The following DLC1 variants were observed in gnomAD, a reference collection of about 807,000 sequenced individuals.
DLC1 encodes the protein DLC1 Rho GTPase activating protein.
In DLC1, 54 loss-of-function variants were observed where a neutral mutation model predicts 140.3. That is an observed-to-expected ratio of 0.38 (90% CI 0.31 to 0.48). The LOEUF is 0.48. Ranked by LOEUF, DLC1 falls within the 20% of genes least tolerant of loss-of-function variation. The probability of loss-of-function intolerance (pLI) is 0.96; values close to 1 mark genes in which losing one functional copy is unlikely to be tolerated. For missense variants in DLC1, 2,536 were observed against 1,907.0 expected (o/e 1.33, Z -6.14); for synonymous variants, 986 against 728.1 (o/e 1.35, Z -5.70).
intron 1 of DLC1, among the ~76,000 whole-genome samples, chr8:13,559,674 A>G (rs1358578091): frequency 6.6e-6 from 1 of 152,238 alleles, no homozygotes; most frequent in Non-Finnish European, 1.5e-5. Flanking sequence ...TCTATGTAGT[A>G]GTTTTCAGGA....
At chr8:13,214,576 T>TTTTGCTGCCC in intron 5 of DLC1, 1 of 650,358 alleles carries the variant, frequency 1.5e-6, no homozygotes, top group Non-Finnish European at 2.8e-6. Context: ...TTTTTTTTTG[T>TTTTGCTGCCC]GGCTGCCCGA....
intron 5 of DLC1, among the ~76,000 whole-genome samples, chr8:13,297,097 T>G (rs1025313965): frequency 2.0e-5 from 3 of 151,398 alleles, no homozygotes; most frequent in African/African-American, 7.3e-5. Context: ...ATAGATTACT[T>G]ATATTTTTCA....
At chr8:13,159,210 A>G (rs988531503) in intron 5 of DLC1, among the ~76,000 whole-genome samples, 4 of 152,190 alleles carry the variant, frequency 2.6e-5, no homozygotes, top group African/African-American at 9.6e-5. Context: ...GATTGAGGCC[A>G]GAAAATTCTC....
intron 4 of DLC1, among the ~76,000 whole-genome samples, chr8:13,325,953 T>C (rs914406005): frequency 5.3e-5 from 8 of 152,214 alleles, no homozygotes; most frequent in African/African-American, 1.9e-4. Context: ...AGAAACCGGA[T>C]GTATGACACT....
At chr8:13,521,506 C>T (rs886094473) in intron 1 of DLC1, among the ~76,000 whole-genome samples, 3 of 152,162 alleles carry the variant, frequency 2.0e-5, no homozygotes, top group East Asian at 3.9e-4. Flanking sequence ...TTCTCTCCTA[C>T]ACCCTCTGCT....
intron 4 of DLC1, among the ~76,000 whole-genome samples, chr8:13,389,458 A>C (rs557863549): frequency 2.0e-5 from 3 of 152,170 alleles, no homozygotes; most frequent in African/African-American, 7.2e-5. Flanking sequence ...GTGTCAAAAG[A>C]ACAAAACAAT....
In DLC1 at chr8:13,083,909, C is replaced by A. The variant is rs934032074; in HGVS notation, c.*1902G>T. ...TGAGATGCAATATTAAGGAAGGCAG[C>A]CCAGACTTTTCCCTTACTTTAAACA... On this transcript the variant is annotated 3_prime_UTR_variant, in exon 18 of 18. Coordinates refer to ENST00000276297, the MANE Select transcript of DLC1 (RefSeq NM_182643.3). 6.6e-6 allele frequency: 1 copy of A among 152,562 alleles called. No homozygotes were observed. Among genetic ancestry groups the A allele is most frequent in the Non-Finnish European group, 1.5e-5 (1 of 68,034 alleles). 9.5% of individuals were successfully genotyped at this position (152,562 alleles called of 1,614,324 possible). A position where few individuals can be genotyped will look rare whatever the true frequency, so the allele number is the denominator to read the frequency against.
intron 2 of DLC1, among the ~76,000 whole-genome samples, chr8:13,481,628 C>T (rs1335801116): frequency 3.3e-5 from 5 of 152,296 alleles, no homozygotes; most frequent in Non-Finnish European, 7.4e-5. Context: ...AGAAAATTTA[C>T]AGCCCCGTTG....
chr8:13,498,966 T>C (rs1801641112), intron 2 of DLC1, 83 bp downstream of exon 2: 12 of 1,470,230 alleles, frequency 8.2e-6, no homozygotes, highest in Non-Finnish European at 1.1e-5. Flanking sequence ...TCATATCTTT[T>C]TAATCCAAGC....
At chr8:13,197,441 CAG>C (rs1827133815) in intron 5 of DLC1, among the ~76,000 whole-genome samples, 1 of 151,882 alleles carries the variant, frequency 6.6e-6, no homozygotes, top group Non-Finnish European at 1.5e-5. Context: ...CTCCACCTCC[CAG>C]GTTCACGCCA....
At chr8:13,088,388 C>T (rs1817745360) in intron 16 of DLC1, 99 bp downstream of exon 16, 3 of 1,394,888 alleles carry the variant, frequency 2.2e-6, no homozygotes, top group African/African-American at 2.9e-5. Flanking sequence ...CCGGCCTCTA[C>T]TTTAAATAAT....
intron 6 of DLC1, among the ~76,000 whole-genome samples, chr8:13,114,920 G>T (rs1473089262): frequency 6.6e-6 from 1 of 152,152 alleles, no homozygotes; most frequent in African/African-American, 2.4e-5. Flanking sequence ...CGAAAAGCTT[G>T]CATTTTAAAA....
At chr8:13,494,452 T>C (rs1157586775) in intron 2 of DLC1, among the ~76,000 whole-genome samples, 3 of 152,142 alleles carry the variant, frequency 2.0e-5, no homozygotes, top group Non-Finnish European at 4.4e-5. Context: ...ATCACCCCTG[T>C]AGCCTTTTGC....
chr8:13,465,758 C>T (rs375407996), intron 2 of DLC1, among the ~76,000 whole-genome samples: 1 of 152,126 alleles, frequency 6.6e-6, no homozygotes, highest in African/African-American at 2.4e-5. Flanking sequence ...TCCATCTTTT[C>T]TAAGAAATAA....
In DLC1 at chr8:13,085,305, T is replaced by TCTTAGACATCTGG. The variant is rs1318201437; in HGVS notation, c.*505_*506insCCAGATGTCTAAG. ...GTGTCTCAGTGTGCCAGACACTGAA[T>TCTTAGACATCTGG]CCACCTTAGACATCTATTGCCATTC... On this transcript the variant is annotated 3_prime_UTR_variant, in exon 18 of 18. Coordinates refer to ENST00000276297, the MANE Select transcript of DLC1 (RefSeq NM_182643.3). 6.5e-6 allele frequency: 1 copy of TCTTAGACATCTGG among 152,894 alleles called. No individual in the cohort carries two copies. The highest frequency in any genetic ancestry group is 1.5e-5 in the Non-Finnish European group (1 of 68,234). The allele number at this position is 152,894 out of a possible 1,614,324, so 9.5% of individuals were successfully genotyped here. A position where few individuals can be genotyped will look rare whatever the true frequency, so the allele number is the denominator to read the frequency against.
chr8:13,261,484 A>G (rs940757558), intron 5 of DLC1, among the ~76,000 whole-genome samples: 1 of 152,110 alleles, frequency 6.6e-6, no homozygotes, highest in African/African-American at 2.4e-5. Flanking sequence ...GAGGAGTGAC[A>G]GGATATAGTT....
chr8:13,365,019 A>G (rs1835416427), intron 4 of DLC1, among the ~76,000 whole-genome samples: 1 of 152,182 alleles, frequency 6.6e-6, no homozygotes, highest in South Asian at 2.1e-4. Context: ...CAGACTTGCA[A>G]CACTTTCTTC....
chr8:13,276,531 C>A, intron 5 of DLC1: 1 of 1,290,912 alleles, frequency 7.7e-7, no homozygotes, highest in Non-Finnish European at 9.8e-7. Flanking sequence ...CACTGCGGCC[C>A]CGGGAAGCGC....
At chr8:13,325,277 C>T (rs1833291248) in intron 4 of DLC1, among the ~76,000 whole-genome samples, 2 of 152,196 alleles carry the variant, frequency 1.3e-5, no homozygotes, top group Non-Finnish European at 2.9e-5. Flanking sequence ...TTTTGGTTTT[C>T]AGAACAGAGC....
Sources: gnomAD v4.1 joint callset for allele counts (sites outside exome capture counted in the v4.1 genomes callset) on GRCh38, gnomAD v4.1.1 for gene constraint, MANE v1.5 for transcripts, NCBI Gene and HGNC (gene_info 2026-07-23, HGNC 2026-07-21) for gene names.